The following WDR36 variants were observed in gnomAD, a reference collection of about 807,000 sequenced individuals.
WDR36 encodes WD repeat domain 36, also known as WD repeat-containing protein 36.
In WDR36, 63 loss-of-function variants were observed where a neutral mutation model predicts 112.7. The observed-to-expected ratio is 0.56, with a 90% confidence interval of 0.46 to 0.69. WDR36 has a LOEUF of 0.69. Ranked by LOEUF, WDR36 falls within the 30% of genes least tolerant of loss-of-function variation. WDR36 has a pLI of 0.00. For missense variants in WDR36, 1,226 were observed against 1,070.3 expected (o/e 1.15, Z -2.03); for synonymous variants, 410 against 362.2 (o/e 1.13, Z -1.50).
At chr5:111,122,561 C>T (rs1273948802) in intron 19 of WDR36, among the ~76,000 whole-genome samples, 3 of 152,192 alleles carry the variant, frequency 2.0e-5, no homozygotes, top group East Asian at 1.9e-4. Context: ...TGACCATCCC[C>T]TTTCTAACTC....
chr5:111,125,846 T>A, intron 22 of WDR36, 51 bp downstream of exon 22: 1 of 1,603,066 alleles, frequency 6.2e-7, no homozygotes, highest in Non-Finnish European at 8.5e-7. Flanking sequence ...TCTGGGGCAG[T>A]GCTATCTAAC....
In WDR36 at chr5:111,097,167, C is replaced by T; in HGVS notation, c.279C>T (p.Ala93=). 6.2e-7 allele frequency: 1 copy of T among 1,612,838 alleles called. No homozygotes were observed. Among genetic ancestry groups the T allele is most frequent in the Non-Finnish European group, 8.5e-7 (1 of 1,179,206 alleles). The change falls in exon 3 of 23, where the codon GCC becomes GCT. Residue 93 remains alanine (A), a synonymous_variant. Coordinates refer to ENST00000513710, the MANE Select transcript of WDR36 (RefSeq NM_139281.3). ...ATGGAAATGTTTTCTCTGCATTTGC[C>T]CGTAATAAAGAGGTTGGTATCGCTA... ...AAYGNVFSAF[A]RNKEIVHTFK...
Position 111,123,826 on chromosome 5 carries a change from C to T in WDR36, c.2170C>T (p.Pro724Ser). The T allele has an allele frequency of 6.2e-7, 1 of 1,613,708 alleles. No individual in the cohort carries two copies. The highest frequency in any genetic ancestry group is 8.5e-7 in the Non-Finnish European group (1 of 1,179,832). The change falls in exon 20 of 23, where the codon CCA (proline) becomes TCA (serine). Residue 724 changes from proline (P) to serine (S), a missense_variant. Coordinates refer to ENST00000513710, the MANE Select transcript of WDR36 (RefSeq NM_139281.3). ...VIKKKNKPKE[P>S]PKVPKSAPFF... ...TCAGAAAAAGAATAAACCAAAGGAACCACCCAAAGTACCCAAATCAGCACC... is the reference window on the plus strand; with the variant it reads ...TCAGAAAAAGAATAAACCAAAGGAATCACCCAAAGTACCCAAATCAGCACC...
chr5:111,113,926 A>G (rs777072465), intron 16 of WDR36, among the ~76,000 whole-genome samples: 17 of 152,142 alleles, frequency 1.1e-4, no homozygotes, highest in African/African-American at 2.7e-4. Context: ...TCATGATCCA[A>G]TCACCTCTTA....
At chr5:111,093,831 A>G (rs1752918488) in intron 1 of WDR36, among the ~76,000 whole-genome samples, 1 of 152,232 alleles carries the variant, frequency 6.6e-6, no homozygotes, top group African/African-American at 2.4e-5. Context: ...TGTACATTTT[A>G]TAAAGTTAAC....
chr5:111,109,924 A>G (rs1272842930), intron 12 of WDR36, among the ~76,000 whole-genome samples: 2 of 151,462 alleles, frequency 1.3e-5, no homozygotes, highest in African/African-American at 2.4e-5. Context: ...TTGACTTTGT[A>G]CATTTAAATT....
chr5:111,115,578 C>G (rs1753439123), intron 16 of WDR36, among the ~76,000 whole-genome samples: 1 of 151,304 alleles, frequency 6.6e-6, no homozygotes, highest in Admixed American at 6.6e-5. Context: ...AACTGATTTG[C>G]TTGGAAAAAA....
At chr5:111,121,648 A>G (rs1753568484) in intron 19 of WDR36, among the ~76,000 whole-genome samples, 1 of 152,154 alleles carries the variant, frequency 6.6e-6, no homozygotes, top group African/African-American at 2.4e-5. Context: ...TAGGTACTAA[A>G]TAATGTACCT....
At chr5:111,095,311 C>T (rs1752951992) in intron 2 of WDR36, 1 of 210,080 alleles carries the variant, frequency 4.8e-6, no homozygotes, top group South Asian at 8.6e-5. Context: ...TGAATTGTAT[C>T]AGAAGGCACA....
rs1349538678 is a variant in WDR36 at position 111,105,542 on chromosome 5, G to T, written c.1093+182G>T. 2.0e-5 allele frequency among the ~76,000 whole-genome samples: 3 copies of T among 151,684 alleles called. No homozygotes were observed. The East Asian group carries it at 5.8e-4, about 29-fold the overall frequency. ...TTGCTATAGAAGTGATTGAGGTTCTGCTATAAGGTTATTGAAAAAAGTTAG... is the reference window on the plus strand; with the variant it reads ...TTGCTATAGAAGTGATTGAGGTTCTTCTATAAGGTTATTGAAAAAAGTTAG... On this transcript the variant is annotated intron_variant, in intron 10 of 22. Transcript: ENST00000513710.
intron 11 of WDR36, 71 bp downstream of exon 11, chr5:111,106,214 T>A: frequency 7.4e-7 from 1 of 1,345,064 alleles, no homozygotes; most frequent in Admixed American, 1.7e-5. Context: ...GCTGTTTTAT[T>A]TTCTGTTTTA....
chr5:111,110,455 C>T, intron 13 of WDR36, 152 bp downstream of exon 13: 3 of 710,058 alleles, frequency 4.2e-6, no homozygotes, highest in Non-Finnish European at 7.3e-6. Context: ...GCAATTGTAT[C>T]ATAAGGACCA....
intron 3 of WDR36, among the ~76,000 whole-genome samples, chr5:111,098,195 T>C (rs1580390629): frequency 1.3e-5 from 2 of 152,132 alleles, no homozygotes. Context: ...ACAGTGTTAC[T>C]GGAATCTAGT....
intron 5 of WDR36, among the ~76,000 whole-genome samples, chr5:111,101,015 ATTAT>A (rs1312974696): frequency 6.6e-6 from 1 of 152,000 alleles, no homozygotes; most frequent in Admixed American, 6.6e-5. Flanking sequence ...TAAGCTAGAG[ATTAT>A]TTAAAGTATA....
rs746788305 is a variant in WDR36, at chr5:111,119,152, T to G, written c.1904+32T>G. The G allele has an allele frequency of 2.9e-5, 45 of 1,527,818 alleles. No homozygotes were observed. The East Asian group carries it at 9.7e-4, about 33-fold the overall frequency. 94.6% of individuals were successfully genotyped at this position (1,527,818 alleles called of 1,614,324 possible). ...TCTTTCATACAGTTCTGTTTTGGGATGAAGAAGATTGTATTGTCAGAGAGT... is the reference window on the plus strand; with the variant it reads ...TCTTTCATACAGTTCTGTTTTGGGAGGAAGAAGATTGTATTGTCAGAGAGT... On this transcript the variant is annotated intron_variant, in intron 17 of 22. Coordinates refer to ENST00000513710, the MANE Select transcript of WDR36 (RefSeq NM_139281.3).
chr5:111,096,902 A>C, intron 2 of WDR36, 177 bp from the exon 3 acceptor site: 1 of 518,050 alleles, frequency 1.9e-6, no homozygotes, highest in Non-Finnish European at 3.4e-6. Context: ...TTAGTTTGAT[A>C]GTTACTATTA....
In WDR36 at chr5:111,130,216, A is replaced by C. The variant is rs1170937960; in HGVS notation, c.*3333A>C. On this transcript the variant is annotated 3_prime_UTR_variant, in exon 23 of 23. Transcript: ENST00000513710. ...AGTTCCAGGACCCCTGTGGATACCA[A>C]AATCCAAGCAATGCCCTGCAGATCA... The C allele has an allele frequency of 4.9e-6, 1 of 205,254 alleles. No homozygotes were observed. Among genetic ancestry groups the C allele is most frequent in the African/African-American group, 2.3e-5 (1 of 43,664 alleles). 12.7% of individuals were successfully genotyped at this position (205,254 alleles called of 1,614,324 possible).
At chr5:111,125,487 C>A in intron 21 of WDR36, 121 bp from the exon 22 acceptor site, 2 of 1,017,818 alleles carry the variant, frequency 2.0e-6, no homozygotes, top group East Asian at 5.3e-5. Flanking sequence ...AAAAAATTAA[C>A]CCACAGGAAG....
chr5:111,109,505 G>A (rs150636650), intron 12 of WDR36, among the ~76,000 whole-genome samples: 146 of 151,360 alleles, frequency 9.6e-4, no homozygotes, highest in African/African-American at 3.3e-3. Flanking sequence ...CTGTTTAGAT[G>A]TAAATTGAAT....
Sources: allele counts gnomAD v4.1 joint callset (sites outside exome capture counted in the v4.1 genomes callset), GRCh38; gene constraint gnomAD v4.1.1; transcripts MANE v1.5; gene names NCBI Gene and HGNC (gene_info 2026-07-23, HGNC 2026-07-21).